The following SLC35F3 variants were observed in gnomAD, a reference collection of about 807,000 sequenced individuals.
SLC35F3 encodes the protein solute carrier family 35 member F3.
Under a neutral mutation model 49.9 loss-of-function variants are expected in SLC35F3, and 25 were observed. That is an observed-to-expected ratio of 0.50 (90% CI 0.37 to 0.70). The LOEUF is 0.70. Among genes scored for constraint, SLC35F3 ranks in the 30% least tolerant of loss-of-function variants. The probability of loss-of-function intolerance (pLI) is 0.00; values close to 1 mark genes in which losing one functional copy is unlikely to be tolerated. For missense variants in SLC35F3, 525 were observed against 639.8 expected (o/e 0.82, Z 1.94); for synonymous variants, 275 against 265.4 (o/e 1.04, Z -0.35).
At chr1:234,308,758 T>G (rs1480896212) in intron 3 of SLC35F3, among the ~76,000 whole-genome samples, 1 of 149,632 alleles carries the variant, frequency 6.7e-6, no homozygotes, top group Non-Finnish European at 1.5e-5. Context: ...GACCCCCTTC[T>G]CTTACTCAGC....
intron 2 of SLC35F3, among the ~76,000 whole-genome samples, chr1:233,919,770 A>G (rs977139410): frequency 6.6e-6 from 1 of 152,144 alleles, no homozygotes; most frequent in Admixed American, 6.5e-5. Context: ...ACCAAGACTT[A>G]GGGTGAGGTC....
intron 2 of SLC35F3, among the ~76,000 whole-genome samples, chr1:234,003,940 AGT>A (rs1558202688): frequency 6.6e-6 from 1 of 152,192 alleles, no homozygotes; most frequent in Admixed American, 6.5e-5. Flanking sequence ...AGAATTTAGC[AGT>A]GTGATAATAT....
chr1:234,008,933 C>CTTTTCCTTT (rs1392264797), intron 2 of SLC35F3, among the ~76,000 whole-genome samples: 6 of 152,256 alleles, frequency 3.9e-5, no homozygotes, highest in African/African-American at 1.4e-4. Context: ...CTGGTGTTCC[C>CTTTTCCTTT]TTTTCCTTTT....
intron 2 of SLC35F3, among the ~76,000 whole-genome samples, chr1:234,193,833 C>G (rs1666765431): frequency 6.6e-6 from 1 of 152,000 alleles, no homozygotes; most frequent in African/African-American, 2.4e-5. Context: ...GGCCAACAAA[C>G]ATATGAAAAA....
intron 2 of SLC35F3, among the ~76,000 whole-genome samples, chr1:234,156,199 AT>A (rs1666149104): frequency 6.6e-6 from 1 of 152,228 alleles, no homozygotes; most frequent in Non-Finnish European, 1.5e-5. Context: ...AAAGGTGATA[AT>A]TTTTTCCACA....
At chr1:234,007,213 A>G (rs1263215860) in intron 2 of SLC35F3, among the ~76,000 whole-genome samples, 1 of 152,200 alleles carries the variant, frequency 6.6e-6, no homozygotes, top group Admixed American at 6.5e-5. Flanking sequence ...TATAATAGCT[A>G]GAAGGTAAGT....
intron 2 of SLC35F3, among the ~76,000 whole-genome samples, chr1:233,958,971 G>T (rs1329124343): frequency 6.6e-6 from 1 of 152,170 alleles, no homozygotes; most frequent in Non-Finnish European, 1.5e-5. Context: ...TTTTGGAACT[G>T]TGTGTATGAT....
At chr1:233,986,807 G>T (rs961492007) in intron 2 of SLC35F3, among the ~76,000 whole-genome samples, 1 of 152,110 alleles carries the variant, frequency 6.6e-6, no homozygotes, top group Non-Finnish European at 1.5e-5. Flanking sequence ...TCCTTTTGGA[G>T]TCTTCTGTTC....
intron 3 of SLC35F3, among the ~76,000 whole-genome samples, chr1:234,290,239 C>T (rs1668485518): frequency 1.3e-5 from 2 of 152,098 alleles, no homozygotes; most frequent in Non-Finnish European, 1.5e-5. Context: ...GAAGCTGTAA[C>T]ATTTACTTCA....
At chr1:234,262,202 G>A (rs1490780897) in intron 3 of SLC35F3, among the ~76,000 whole-genome samples, 1 of 152,166 alleles carries the variant, frequency 6.6e-6, no homozygotes, top group Admixed American at 6.5e-5. Context: ...GAAAGAGTGT[G>A]AAGCAATGTG....
chr1:234,296,691 G>T (rs1668597827), intron 3 of SLC35F3, among the ~76,000 whole-genome samples: 1 of 152,210 alleles, frequency 6.6e-6, no homozygotes, highest in Non-Finnish European at 1.5e-5. Flanking sequence ...CACACTCTCG[G>T]CACTTCTCAG....
chr1:234,279,387 CA>C (rs562004858), intron 3 of SLC35F3, among the ~76,000 whole-genome samples: 131 of 152,212 alleles, frequency 8.6e-4, no homozygotes, highest in African/African-American at 3.1e-3. Flanking sequence ...TGCCCTTTCA[CA>C]GGGGGCACAC....
intron 2 of SLC35F3, among the ~76,000 whole-genome samples, chr1:233,910,630 T>C (rs115240947): frequency 0.04 from 6,113 of 152,284 alleles, 184 homozygotes; most frequent in Middle Eastern, 0.095. Flanking sequence ...TCCGAAAGGT[T>C]TCCCTAAAGG....
At chr1:234,161,321 G>A (rs564269034) in intron 2 of SLC35F3, among the ~76,000 whole-genome samples, 2 of 152,330 alleles carry the variant, frequency 1.3e-5, no homozygotes, top group South Asian at 2.1e-4. Flanking sequence ...GATCAAATTG[G>A]TAGTAGATTC....
chr1:234,232,090 C>T (rs1196966594), intron 3 of SLC35F3, among the ~76,000 whole-genome samples: 1 of 152,108 alleles, frequency 6.6e-6, no homozygotes, highest in Non-Finnish European at 1.5e-5. Flanking sequence ...GGGTGAGGAC[C>T]GCAAGGCCAT....
intron 2 of SLC35F3, among the ~76,000 whole-genome samples, chr1:234,159,746 G>A (rs1666200075): frequency 6.6e-6 from 1 of 151,980 alleles, no homozygotes; most frequent in Non-Finnish European, 1.5e-5. Flanking sequence ...AGTGTAATTT[G>A]TAGGCAAGGG....
rs139300371 is a variant in SLC35F3, at chr1:234,216,045, A to T, written c.284-15372A>T. On this transcript the variant is annotated intron_variant, in intron 2 of 7. Coordinates refer to ENST00000366618, the MANE Select transcript of SLC35F3 (RefSeq NM_173508.4). Reference sequence around the variant, plus strand: ...TTCTTCTCTCCTCCATCCCAACCTCAGGAATGACTTGATATCAGCCATCTA... The same window carrying T: ...TTCTTCTCTCCTCCATCCCAACCTCTGGAATGACTTGATATCAGCCATCTA... 1.5e-3 allele frequency among the ~76,000 whole-genome samples: 236 copies of T among 152,272 alleles called. 1 individual carries two copies. Among genetic ancestry groups the T allele is most frequent in the African/African-American group, 5.4e-3 (225 of 41,542 alleles).
intron 2 of SLC35F3, among the ~76,000 whole-genome samples, chr1:234,188,404 T>G (rs960014540): frequency 6.6e-6 from 1 of 152,064 alleles, no homozygotes; most frequent in Non-Finnish European, 1.5e-5. Context: ...GTGCGGGAGC[T>G]GGATGAGGCC....
intron 2 of SLC35F3, among the ~76,000 whole-genome samples, chr1:234,164,401 C>T (rs536120491): frequency 6.7e-5 from 10 of 150,112 alleles, no homozygotes; most frequent in African/African-American, 2.0e-4. Context: ...TCTCTCTCCC[C>T]GCTCCCTCCC....
Sources: allele counts gnomAD v4.1 joint callset (sites outside exome capture counted in the v4.1 genomes callset), GRCh38; gene constraint gnomAD v4.1.1; transcripts MANE v1.5; gene names NCBI Gene and HGNC (gene_info 2026-07-23, HGNC 2026-07-21).